The following MGAM variants were observed in gnomAD, a reference collection of about 807,000 sequenced individuals.
MGAM encodes the protein maltase-glucoamylase, also known as alpha-1,4-glucosidase.
MGAM carries 253 observed loss-of-function variants against 358.8 expected under a neutral mutation model. The ratio of observed to expected loss-of-function variants is 0.71; its 90% CI spans 0.64 to 0.78. The LOEUF (loss-of-function observed/expected upper bound fraction) is 0.78. Among genes scored for constraint, MGAM ranks in the 30% least tolerant of loss-of-function variants. The pLI is 0.00. For synonymous variants in MGAM, 1,105 were observed against 1,227.1 expected, an observed-to-expected ratio of 0.90 and a Z score of 2.08; for missense variants, 3,080 against 3,432.6, an observed-to-expected ratio of 0.90 and a Z score of 2.57.
chr7:142,068,653 A>G lies in MGAM; in HGVS notation c.5011A>G (p.Arg1671Gly). 6.5e-7 allele frequency: 1 copy of G among 1,539,186 alleles called. No individual in the cohort carries two copies. Among genetic ancestry groups the G allele is most frequent in the Non-Finnish European group, 8.9e-7 (1 of 1,119,032 alleles). The change falls in exon 43 of 71, where the codon AGA becomes GGA. Residue 1671 changes from arginine to glycine, a missense_variant. By Grantham distance (125) the Arg-to-Gly change is moderately radical. Coordinates refer to ENST00000475668, the MANE Select transcript of MGAM (RefSeq NM_001365693.1). The part of the protein sequence containing the change: ...LVSPVLERNA[R>G]NVTAYFPRAR... ...TGTTTGTGTTTCATTTTAGAATGCCAGAAATGTCACTGCATATTTCCCTAG... is the reference window on the plus strand; with the variant it reads ...TGTTTGTGTTTCATTTTAGAATGCCGGAAATGTCACTGCATATTTCCCTAG...
At chr7:142,049,236 C>T (rs1424680252) in intron 22 of MGAM, among the ~76,000 whole-genome samples, 1 of 152,094 alleles carries the variant, frequency 6.6e-6, no homozygotes, top group South Asian at 2.1e-4. Flanking sequence ...ATATATACCA[C>T]AATTTCTTTA....
chr7:142,035,119 A>G (rs1194637652), intron 16 of MGAM, among the ~76,000 whole-genome samples: 2 of 152,192 alleles, frequency 1.3e-5, no homozygotes, highest in African/African-American at 4.8e-5. Flanking sequence ...ATGTATCCTT[A>G]AGAACACAGC....
chr7:142,092,429 G>A, intron 58 of MGAM, 92 bp from the exon 59 acceptor site: 3 of 1,253,842 alleles, frequency 2.4e-6, no homozygotes, highest in Non-Finnish European at 3.4e-6. Flanking sequence ...ATTACTGGAT[G>A]TTGAACAATG....
rs185048836 is a variant in MGAM at position 142,044,281 on chromosome 7, A to G, written c.2498+3435A>G. Among the ~76,000 whole-genome samples the G allele has an allele frequency of 1.8e-3, 147 of 82,268 alleles. 4 individuals are homozygous for G. Among genetic ancestry groups the G allele is most frequent in the African/African-American group, 4.8e-3 (145 of 30,218 alleles). 54.0% of individuals were successfully genotyped at this position (82,268 alleles called of 152,430 possible). A position where few individuals can be genotyped will look rare whatever the true frequency, so the allele number is the denominator to read the frequency against. On this transcript the variant is annotated intron_variant, in intron 21 of 70. Transcript: ENST00000475668. ...CATATAATATATACATTATATACAC[A>G]TACGACATATAATATATACTATATA...
chr7:142,043,596 A>G (rs1431128630), intron 21 of MGAM, among the ~76,000 whole-genome samples: 1 of 125,376 alleles, frequency 8.0e-6, no homozygotes, highest in South Asian at 2.2e-4. Flanking sequence ...TATATAATAT[A>G]TACATATAAT....
At chr7:141,995,803 T>C (rs1222333833), upstream of MGAM, 1 of 152,198 alleles carries the variant, frequency 6.6e-6, no homozygotes, top group Non-Finnish European at 1.5e-5. Context: ...TTGAAAGCCA[T>C]TAACATTTTC....
chr7:142,052,518 T>G, intron 25 of MGAM, 72 bp downstream of exon 25: 1 of 1,567,828 alleles, frequency 6.4e-7, no homozygotes, highest in Non-Finnish European at 8.7e-7. Flanking sequence ...AGCATAGCAG[T>G]GGTACTTACA....
intron 1 of MGAM, among the ~76,000 whole-genome samples, chr7:142,001,934 A>G (rs1387839907): frequency 6.6e-6 from 1 of 152,232 alleles, no homozygotes; most frequent in East Asian, 1.9e-4. Flanking sequence ...GCAATAGATA[A>G]TAATAACAAA....
rs1170773415 is a variant in MGAM at position 142,075,943 on chromosome 7, C to T, written c.5276-260C>T. Reference sequence around the variant, plus strand: ...GAATTCCCACTTCTGGGTGTATATCCAGAGGACATGAAACCAGTATCTTTA... The same window carrying T: ...GAATTCCCACTTCTGGGTGTATATCTAGAGGACATGAAACCAGTATCTTTA... On this transcript the variant is annotated intron_variant, in intron 45 of 70. Coordinates refer to ENST00000475668, the MANE Select transcript of MGAM (RefSeq NM_001365693.1). 1.4e-5 allele frequency among the ~76,000 whole-genome samples: 2 copies of T among 145,990 alleles called. 1 individual carries two copies. Among genetic ancestry groups the T allele is most frequent in the Non-Finnish European group, 3.1e-5 (2 of 64,472 alleles).
chr7:142,034,144 G>T, intron 14 of MGAM, 118 bp from the exon 15 acceptor site: 1 of 665,076 alleles, frequency 1.5e-6, no homozygotes, highest in Non-Finnish European at 2.7e-6. Flanking sequence ...CAGTGTGACT[G>T]TTTACAGGAT....
In MGAM at chr7:142,064,521, G is replaced by T. The variant is rs374771873; in HGVS notation, c.4483G>T (p.Glu1495Ter). The T allele has an allele frequency of 3.8e-6, 6 of 1,571,400 alleles. No homozygotes were observed. Among genetic ancestry groups the T allele is most frequent in the African/African-American group, 1.4e-5 (1 of 73,814 alleles). Residue 1495 changes from glutamate (E) to a stop codon, truncating the protein, a stop_gained and splice_region_variant, in exon 37 of 71, where the codon GAA becomes TAA. Transcript: ENST00000475668. LOFTEE classifies it high-confidence loss of function. ...GTGGTCCCAGACCAGACCCACATAC[G>T]AGTGAGTCTCCGTCTCCCTTCTCCA... ...YGWSQTRPTY[E>*]AVQEVTGQRG...
intron 20 of MGAM, 39 bp from the exon 21 acceptor site, chr7:142,040,683 C>T (rs1443049345): frequency 1.2e-6 from 2 of 1,607,230 alleles, no homozygotes; most frequent in African/African-American, 2.7e-5. Context: ...GGGCAATATG[C>T]TGTCATGCCA....
Position 142,055,679 on chromosome 7 carries a change from T to C in MGAM, c.3436T>C (p.Leu1146=), listed in dbSNP as rs774690039. ...ETEHRSYRRD[L]EWHTWGMFSR... ...TGAGCACAGGTCCTATAGGAGAGAC[T>C]TGGAGTGGCACACTTGGGGGATGTT... The change falls in exon 28 of 71, where the codon TTG becomes CTG. Residue 1146 remains leucine (L), a synonymous_variant. Transcript: ENST00000475668. 9 of 1,613,942 alleles carry C rather than the reference T, an allele frequency of 5.6e-6. No individual in the cohort carries two copies. The highest frequency in any genetic ancestry group is 7.6e-6 in the Non-Finnish European group (9 of 1,179,868).
rs757156316 is a variant in MGAM, at chr7:142,076,171, C to T, written c.5276-32C>T. The T allele has an allele frequency of 2.9e-5, 43 of 1,502,108 alleles. 5 individuals carry two copies. In the Middle Eastern group the frequency reaches 5.1e-4, roughly 18 times the overall value. The allele number at this position is 1,502,108 out of a possible 1,614,324, so 93.0% of individuals were successfully genotyped here. A position where few individuals can be genotyped will look rare whatever the true frequency, so the allele number is the denominator to read the frequency against. On this transcript the variant is annotated intron_variant, in intron 45 of 70. Coordinates refer to ENST00000475668, the MANE Select transcript of MGAM (RefSeq NM_001365693.1). ...ATCTGTTCTTCTGTGGTGGGCAAGC[C>T]GGAGTCTGACTTGTCTTTCTGTCAC...
intron 66 of MGAM, 68 bp from the exon 67 acceptor site, chr7:142,099,545 G>T: frequency 1.2e-6 from 2 of 1,609,738 alleles, no homozygotes; most frequent in South Asian, 1.1e-5. Flanking sequence ...GAGATGTCTG[G>T]CAGGATGCAT....
At chr7:142,105,410 C>T (rs1816766364) in intron 70 of MGAM, among the ~76,000 whole-genome samples, 1 of 152,022 alleles carries the variant, frequency 6.6e-6, no homozygotes, top group African/African-American at 2.4e-5. Flanking sequence ...GGCTTAGCCT[C>T]CCTAGTAGCT....
intron 51 of MGAM, 62 bp from the exon 52 acceptor site, chr7:142,082,413 G>A: frequency 7.4e-7 from 1 of 1,344,212 alleles, no homozygotes; most frequent in South Asian, 1.3e-5. Flanking sequence ...TATTTTTGTT[G>A]AGTTTCTTTC....
rs1170387739 is a variant in MGAM at position 142,088,052 on chromosome 7, GATATTAGACAGAA to G, written c.6810+1336_6810+1348del. Reference sequence around the variant, plus strand: ...GTGGTGAGTCCTAGAGGGAAAGGCAGATATTAGACAGAACCACACAATCTGGAGCCAGGGACTG... The same window carrying G: ...GTGGTGAGTCCTAGAGGGAAAGGCAGCCACACAATCTGGAGCCAGGGACTG... On this transcript the variant is annotated intron_variant, in intron 57 of 70. Coordinates refer to ENST00000475668, the MANE Select transcript of MGAM (RefSeq NM_001365693.1). Among the ~76,000 whole-genome samples, 2 of 146,214 alleles carry G rather than the reference GATATTAGACAGAA, an allele frequency of 1.4e-5. 1 individual carries two copies. Among genetic ancestry groups the G allele is most frequent in the Non-Finnish European group, 3.1e-5 (2 of 64,614 alleles).
intron 21 of MGAM, among the ~76,000 whole-genome samples, chr7:142,041,920 TA>T (rs372230831): frequency 0.033 from 669 of 20,580 alleles, 16 homozygotes; most frequent in African/African-American, 0.04. Flanking sequence ...TATATACGTA[TA>T]ATATATAATA....
Sources: gnomAD v4.1 joint callset for allele counts (sites outside exome capture counted in the v4.1 genomes callset) on GRCh38, gnomAD v4.1.1 for gene constraint, MANE v1.5 for transcripts, NCBI Gene and HGNC (gene_info 2026-07-23, HGNC 2026-07-21) for gene names.